The following HDAC9 variants were observed in gnomAD, a reference collection of about 807,000 sequenced individuals.
HDAC9 encodes the protein histone deacetylase 9.
Under a neutral mutation model 139.4 loss-of-function variants are expected in HDAC9, and 41 were observed. The ratio of observed to expected loss-of-function variants is 0.29; its 90% CI spans 0.23 to 0.38. The LOEUF (loss-of-function observed/expected upper bound fraction) is 0.38. Ranked by LOEUF, HDAC9 falls within the 10% of genes least tolerant of loss-of-function variation. The pLI is 1.00. For synonymous variants in HDAC9, 517 were observed against 476.2 expected, an observed-to-expected ratio of 1.09 and a Z score of -1.12; for missense variants, 1,147 against 1,297.0, an observed-to-expected ratio of 0.88 and a Z score of 1.78.
intron 2 of HDAC9, among the ~76,000 whole-genome samples, chr7:18,544,243 G>A (rs1231117490): frequency 2.6e-5 from 4 of 152,116 alleles, no homozygotes; most frequent in Non-Finnish European, 4.4e-5. Context: ...TGAAGGTAGA[G>A]TTGATAAAGA....
chr7:18,909,209 A>G (rs1313483494), intron 22 of HDAC9, among the ~76,000 whole-genome samples: 4 of 152,030 alleles, frequency 2.6e-5, no homozygotes, highest in African/African-American at 9.7e-5. Context: ...AGAAATGATT[A>G]TTCTGATCAA....
At chr7:18,432,555 T>C (rs1235716421) in intron 1 of HDAC9, among the ~76,000 whole-genome samples, 1 of 152,230 alleles carries the variant, frequency 6.6e-6, no homozygotes, top group Non-Finnish European at 1.5e-5. Flanking sequence ...AGCATTCTCA[T>C]GCACTGATAT....
chr7:18,585,038 G>T (rs1482743119), intron 2 of HDAC9, among the ~76,000 whole-genome samples: 1 of 152,074 alleles, frequency 6.6e-6, no homozygotes, highest in Non-Finnish European at 1.5e-5. Flanking sequence ...GTTTGTAAAA[G>T]GAAATTGTGG....
At chr7:18,893,663 G>T (rs1238652736) in intron 22 of HDAC9, among the ~76,000 whole-genome samples, 2 of 152,180 alleles carry the variant, frequency 1.3e-5, no homozygotes, top group Non-Finnish European at 2.9e-5. Flanking sequence ...CTTTTGGGGA[G>T]CATTGTCTAG....
rs553865620 is a variant in HDAC9, at chr7:18,607,777, T to C, written c.664+13748T>C. Among the ~76,000 whole-genome samples the C allele has an allele frequency of 2.0e-5, 3 of 152,142 alleles. No individual in the cohort carries two copies. In the East Asian group the frequency reaches 5.8e-4, roughly 29 times the overall value. On this transcript the variant is annotated intron_variant, in intron 6 of 25. Transcript: ENST00000686413. Reference sequence around the variant, plus strand: ...ATTGTATATGAAACTAAGAAGGAAATATATAATTGCATTTCATAAAGAGGT... The same window carrying C: ...ATTGTATATGAAACTAAGAAGGAAACATATAATTGCATTTCATAAAGAGGT...
rs1417625392 is a variant in HDAC9, at chr7:18,515,942, C to G, written c.22+19618C>G. Among the ~76,000 whole-genome samples the G allele has an allele frequency of 2.6e-5, 4 of 152,208 alleles. No individual in the cohort carries two copies. In the South Asian group the frequency reaches 6.2e-4, roughly 24 times the overall value. ...ATATATAAAGAATATATTTTAAAAG[C>G]CAATTTTTAATTTTAAAACTTAAAG... On this transcript the variant is annotated intron_variant, in intron 2 of 25. Coordinates refer to ENST00000686413, the MANE Select transcript of HDAC9 (RefSeq NM_178425.4).
chr7:18,968,946 G>A (rs1424058617), intron 24 of HDAC9, among the ~76,000 whole-genome samples: 3 of 83,568 alleles, frequency 3.6e-5, no homozygotes, highest in African/African-American at 4.6e-5. Flanking sequence ...ACGACAGAGC[G>A]AGCCTCCCTC....
intron 11 of HDAC9, among the ~76,000 whole-genome samples, chr7:18,648,909 A>G (rs1328212262): frequency 2.6e-5 from 4 of 152,188 alleles, no homozygotes; most frequent in Non-Finnish European, 5.9e-5. Context: ...ATACATTCAC[A>G]AGATCTTTTT....
At chr7:18,784,309 C>T (rs138494032) in intron 16 of HDAC9, among the ~76,000 whole-genome samples, 28 of 152,060 alleles carry the variant, frequency 1.8e-4, no homozygotes, top group African/African-American at 6.3e-4. Flanking sequence ...AATTTCTAGA[C>T]TCAAGTGATC....
chr7:18,208,949 A>C lies in HDAC9; in HGVS notation c.25+46600A>C, dbSNP rs535694149. Among the ~76,000 whole-genome samples, 13 of 152,354 alleles carry C rather than the reference A, an allele frequency of 8.5e-5. No homozygotes were observed. The East Asian group carries it at 2.5e-3, about 29-fold the overall frequency. On this transcript the variant is annotated intron_variant, in intron 2 of 12. Coordinates refer to the HDAC9 transcript ENST00000417496. ...TTTTGCATTTAATATTTTATTATAT[A>C]CAACTTAATTGTCCCTTAGTTAAGT... is the stretch of plus-strand genomic sequence containing the variant.
chr7:18,168,897 TTGTGTGTGTG>T (rs1201294435), intron 2 of HDAC9, among the ~76,000 whole-genome samples: 3 of 94,316 alleles, frequency 3.2e-5, no homozygotes, highest in Non-Finnish European at 3.7e-5. Flanking sequence ...TTTTTTTTTT[TTGTGTGTGTG>T]TGTGTGTGTG....
intron 2 of HDAC9, among the ~76,000 whole-genome samples, chr7:18,242,388 T>G (rs1204115347): frequency 6.6e-6 from 1 of 152,166 alleles, no homozygotes; most frequent in Non-Finnish European, 1.5e-5. Flanking sequence ...AGAAGTCCGA[T>G]TGATTTGTTC....
intron 1 of HDAC9, among the ~76,000 whole-genome samples, chr7:18,293,858 A>T (rs1440886015): frequency 6.6e-6 from 1 of 152,146 alleles, no homozygotes; most frequent in Admixed American, 6.6e-5. Flanking sequence ...TCAATGCATT[A>T]TGTCACTGCT....
intron 21 of HDAC9, among the ~76,000 whole-genome samples, chr7:18,857,675 G>A (rs928139022): frequency 2.0e-5 from 3 of 152,048 alleles, no homozygotes; most frequent in Non-Finnish European, 2.9e-5. Flanking sequence ...GTTAAGTATA[G>A]GAATCATAGG....
intron 2 of HDAC9, among the ~76,000 whole-genome samples, chr7:18,248,642 A>G (rs139160616): frequency 1.2e-3 from 180 of 152,256 alleles, no homozygotes; most frequent in Non-Finnish European, 4.4e-4. Context: ...AGCTTTTTTC[A>G]TGCACTACAT....
intron 1 of HDAC9, among the ~76,000 whole-genome samples, chr7:18,457,882 C>A (rs2128107357): frequency 2.0e-5 from 3 of 152,184 alleles, no homozygotes; most frequent in Middle Eastern, 6.8e-3. Context: ...AGATCACTTC[C>A]ATTGAAAGAG....
intron 16 of HDAC9, among the ~76,000 whole-genome samples, chr7:18,770,776 A>G (rs187370195): frequency 2.2e-4 from 34 of 152,274 alleles, no homozygotes; most frequent in African/African-American, 7.7e-4. Context: ...ATTTTTTGAC[A>G]TGGTTGTAAA....
chr7:18,573,865 G>C (rs1220977651), intron 2 of HDAC9, among the ~76,000 whole-genome samples: 7 of 152,178 alleles, frequency 4.6e-5, no homozygotes, highest in Non-Finnish European at 8.8e-5. Flanking sequence ...GGCTCAGGGA[G>C]CCCCTGGGCC....
At chr7:18,287,509 T>C (rs1371813451), upstream of HDAC9, among the ~76,000 whole-genome samples, 1 of 152,208 alleles carries the variant, frequency 6.6e-6, no homozygotes, top group Non-Finnish European at 1.5e-5. Flanking sequence ...TTGCCAACTC[T>C]TTTTTAAAAA....
Sources: allele counts gnomAD v4.1 joint callset (sites outside exome capture counted in the v4.1 genomes callset), GRCh38; gene constraint gnomAD v4.1.1; transcripts MANE v1.5; gene names NCBI Gene and HGNC (gene_info 2026-07-23, HGNC 2026-07-21).